DLGAP1: variants seen among roughly 807,000 people sequenced by gnomAD.
DLGAP1 encodes disks large-associated protein 1.
DLGAP1 carries 11 observed loss-of-function variants against 90.8 expected under a neutral mutation model. The ratio of observed to expected loss-of-function variants is 0.12; its 90% CI spans 0.08 to 0.20. DLGAP1 has a LOEUF of 0.20. Ranked by LOEUF, DLGAP1 falls within the 10% of genes least tolerant of loss-of-function variation. DLGAP1 has a pLI of 1.00. For missense variants in DLGAP1, 1,050 were observed against 1,333.8 expected (o/e 0.79, Z 3.31); for synonymous variants, 558 against 540.7 (o/e 1.03, Z -0.44).
At chr18:3,551,407 A>C (rs2053413451) in intron 9 of DLGAP1, among the ~76,000 whole-genome samples, 1 of 150,362 alleles carries the variant, frequency 6.7e-6, no homozygotes, top group South Asian at 2.1e-4. Context: ...CACCATCATG[A>C]CCAGCTAATT....
At chr18:3,613,770 T>TTTTGCATAAAATGTATGCAATA (rs2145929610) in intron 7 of DLGAP1, among the ~76,000 whole-genome samples, 1 of 152,332 alleles carries the variant, frequency 6.6e-6, no homozygotes, top group African/African-American at 2.4e-5. Context: ...GTTTTATGCT[T>TTTTGCATAAAATGTATGCAATA]CATTTTATTA....
intron 4 of DLGAP1, among the ~76,000 whole-genome samples, chr18:3,853,584 AT>A (rs1301577180): frequency 6.6e-6 from 1 of 151,638 alleles, no homozygotes; most frequent in African/African-American, 2.4e-5. Flanking sequence ...AGTAAACTCT[AT>A]GATGTTCACA....
chr18:4,241,510 A>G (rs1430893698), intron 1 of DLGAP1, among the ~76,000 whole-genome samples: 1 of 151,688 alleles, frequency 6.6e-6, no homozygotes, highest in East Asian at 1.9e-4. Context: ...CAACTCTTAG[A>G]AAAAAAATGG....
chr18:3,546,651 G>GA lies in DLGAP1; in HGVS notation c.2058-12037dup, dbSNP rs139504155. ...ACTTCTAAGTAGCCCATGGGTTAAA[G>GA]AAAAAAAAAATCAAAAAGGAAAATA... On this transcript the variant is annotated intron_variant, in intron 9 of 12. Transcript: ENST00000315677. 8.4e-3 allele frequency among the ~76,000 whole-genome samples: 1,254 copies of GA among 148,584 alleles called. 17 individuals carry two copies. The highest frequency in any genetic ancestry group is 0.029 in the African/African-American group (1,162 of 39,534).
chr18:4,118,239 G>GAGTT (rs1456031350), intron 2 of DLGAP1, among the ~76,000 whole-genome samples: 1 of 152,128 alleles, frequency 6.6e-6, no homozygotes, highest in African/African-American at 2.4e-5. Context: ...CCGAGCTGTG[G>GAGTT]AGTTCTTCGT....
chr18:4,290,502 C>A (rs1231617478), intron 1 of DLGAP1, among the ~76,000 whole-genome samples: 1 of 152,208 alleles, frequency 6.6e-6, no homozygotes, highest in Non-Finnish European at 1.5e-5. Context: ...CATGGCAAGG[C>A]AGGCAACTGC....
intron 1 of DLGAP1, among the ~76,000 whole-genome samples, chr18:4,273,426 A>G (rs142771044): frequency 6.8e-4 from 103 of 152,284 alleles, no homozygotes; most frequent in African/African-American, 2.3e-3. Flanking sequence ...GTTCCATGGC[A>G]CAGCATTACA....
intron 7 of DLGAP1, among the ~76,000 whole-genome samples, chr18:3,710,638 CAG>C (rs1213891096): frequency 1.3e-5 from 2 of 152,176 alleles, no homozygotes; most frequent in Non-Finnish European, 2.9e-5. Context: ...GTGAACAAGA[CAG>C]AAAAATTTTT....
chr18:3,762,886 C>G (rs766684817), intron 5 of DLGAP1, among the ~76,000 whole-genome samples: 8 of 152,144 alleles, frequency 5.3e-5, no homozygotes, highest in Admixed American at 4.6e-4. Context: ...GAAGGCACCC[C>G]GAATGATACT....
At chr18:3,595,105 GCT>G (rs1226499444) in intron 7 of DLGAP1, among the ~76,000 whole-genome samples, 2 of 152,318 alleles carry the variant, frequency 1.3e-5, no homozygotes, top group East Asian at 1.9e-4. Flanking sequence ...GCTTTCTGCA[GCT>G]CTCTCTGCGT....
chr18:3,670,051 C>A (rs372856430), intron 7 of DLGAP1, among the ~76,000 whole-genome samples: 3 of 152,232 alleles, frequency 2.0e-5, no homozygotes, highest in East Asian at 1.9e-4. Flanking sequence ...ACAAGGGAAC[C>A]TTTCCCATTT....
chr18:4,412,194 G>T (rs375764532), intron 1 of DLGAP1, among the ~76,000 whole-genome samples: 84 of 152,238 alleles, frequency 5.5e-4, no homozygotes, highest in African/African-American at 1.9e-3. Flanking sequence ...CTGTGCCAAG[G>T]CCTGGTCCTG....
intron 3 of DLGAP1, among the ~76,000 whole-genome samples, chr18:3,899,740 A>G (rs1246749922): frequency 6.6e-6 from 1 of 152,142 alleles, no homozygotes; most frequent in East Asian, 1.9e-4. Context: ...TTAGAAATGT[A>G]TTGTTCTTTT....
intron 3 of DLGAP1, among the ~76,000 whole-genome samples, chr18:3,954,917 G>A (rs866818929): frequency 1.3e-4 from 20 of 152,268 alleles, no homozygotes; most frequent in Non-Finnish European, 2.5e-4. Context: ...GTTGCAGCGC[G>A]CAGACTCTCT....
intron 1 of DLGAP1, among the ~76,000 whole-genome samples, chr18:4,333,623 A>AAT (rs1568519809): frequency 7.8e-5 from 11 of 141,098 alleles, no homozygotes; most frequent in African/African-American, 1.1e-4. Flanking sequence ...TATATATATA[A>AAT]TTTTTTTTTT....
chr18:4,411,229 T>A (rs941879545), intron 1 of DLGAP1, among the ~76,000 whole-genome samples: 1 of 152,068 alleles, frequency 6.6e-6, no homozygotes, highest in African/African-American at 2.4e-5. Flanking sequence ...GAAAAGAGGG[T>A]TGGTACAAGG....
intron 9 of DLGAP1, among the ~76,000 whole-genome samples, chr18:3,551,310 G>A (rs2053405236): frequency 6.6e-6 from 1 of 151,240 alleles, no homozygotes; most frequent in Admixed American, 6.6e-5. Flanking sequence ...GGAATGTAGT[G>A]GTGGTCTTGC....
intron 5 of DLGAP1, among the ~76,000 whole-genome samples, chr18:3,772,352 CTTTCTTTCTTTCTT>C (rs1568108726): frequency 0.05 from 563 of 11,258 alleles, 26 homozygotes; most frequent in Admixed American, 0.07. Flanking sequence ...CTCTCTCTTT[CTTTCTTTCTTTCTT>C]TCTTTCTTTC....
intron 1 of DLGAP1, among the ~76,000 whole-genome samples, chr18:4,171,391 C>G (rs1426745799): frequency 6.6e-6 from 1 of 151,304 alleles, no homozygotes; most frequent in African/African-American, 2.4e-5. Flanking sequence ...AAAAATTAGC[C>G]CATCTCTACT....
Sources: gnomAD v4.1 joint callset for allele counts (sites outside exome capture counted in the v4.1 genomes callset) on GRCh38, gnomAD v4.1.1 for gene constraint, MANE v1.5 for transcripts, NCBI Gene and HGNC (gene_info 2026-07-23, HGNC 2026-07-21) for gene names.